Variants in CAPN12 observed in about 807,000 individuals in gnomAD.
The protein encoded by CAPN12 is calpain 12.
CAPN12 carries 107 observed loss-of-function variants against 95.0 expected under a neutral mutation model. That is an observed-to-expected ratio of 1.13 (90% confidence interval 0.96 to 1.32). CAPN12 has a LOEUF of 1.32. CAPN12 is among the 40% of genes most tolerant of loss of function. The probability of loss-of-function intolerance (pLI) is 0.00; values close to 1 mark genes in which losing one functional copy is unlikely to be tolerated. For synonymous variants in CAPN12, 505 were observed against 415.5 expected (o/e 1.22, Z -2.62); for missense variants, 1,136 against 997.8 (o/e 1.14, Z -1.87).
intron 11 of CAPN12, 63 bp downstream of exon 11, chr19:38,736,489 T>G (rs1599909210): frequency 7.5e-7 from 1 of 1,341,400 alleles, no homozygotes; most frequent in Non-Finnish European, 9.7e-7. Flanking sequence ...CCAGGGCAGG[T>G]TGACCAAGCC....
Position 38,743,185 on chromosome 19 carries a change from A to G in CAPN12, c.238-83T>C, listed in dbSNP as rs944467906. The G allele has an allele frequency of 1.2e-5, 18 of 1,528,612 alleles. No individual in the cohort carries two copies. The African/African-American group carries it at 2.5e-4, about 21-fold the overall frequency. 94.7% of individuals were successfully genotyped at this position (1,528,612 alleles called of 1,614,324 possible). A position where few individuals can be genotyped will look rare whatever the true frequency, so the allele number is the denominator to read the frequency against. ...CAGAGGAGTGAGGGCCTCCAAGCCC[A>G]TGAAAGGCCTGGAAGCCTGTGGGCA... On this transcript the variant is annotated intron_variant, in intron 1 of 20. Transcript: ENST00000328867.
At chr19:38,731,815 C>G (rs1002302451) in intron 18 of CAPN12, among the ~76,000 whole-genome samples, 2 of 152,248 alleles carry the variant, frequency 1.3e-5, no homozygotes, top group African/African-American at 4.8e-5. Context: ...ATCTTCACCC[C>G]CATTCTGTGT....
chr19:38,733,637 T>G, intron 18 of CAPN12, 66 bp downstream of exon 18: 1 of 1,419,282 alleles, frequency 7.0e-7, no homozygotes, highest in South Asian at 1.2e-5. Context: ...GCAGGGGGAC[T>G]TGGAGACAAT....
rs757810087 is a variant in CAPN12, at chr19:38,743,971, C to T, written c.195G>A (p.Pro65=). The stretch of plus-strand genomic sequence containing the variant: ...TCACGCCTTTGGCCTTCTCCGAGTC[C>T]GGCCCCAGCTGGTCATAGCCAAGGG... ...PDALGYDQLG[P]DSEKAKGVKW... The change falls in exon 1 of 21, where the codon CCG becomes CCA. Residue 65 remains proline (P), a synonymous_variant. Coordinates refer to ENST00000328867, the MANE Select transcript of CAPN12 (RefSeq NM_144691.4). 26 of 1,614,232 alleles carry T rather than the reference C, an allele frequency of 1.6e-5. No individual in the cohort carries two copies. Among genetic ancestry groups the T allele is most frequent in the Admixed American group, 5.0e-5 (3 of 60,020 alleles).
At chr19:38,741,985 A>C (rs1970574105) in intron 3 of CAPN12, 75 bp from the exon 4 acceptor site, 2 of 1,562,898 alleles carry the variant, frequency 1.3e-6, no homozygotes, top group African/African-American at 2.7e-5. Context: ...CTGCTGTGCC[A>C]GTCCCAGAGT....
At position 38,730,565 on chromosome 19, in the gene CAPN12, TGTCTGTCCTCCACCTTCTA is replaced by T. The variant is rs1568759739; in HGVS notation, c.*268_*286del. On this transcript the variant is annotated 3_prime_UTR_variant, in exon 21 of 21. Transcript: ENST00000328867. ...GCATCATCTTTTTTTATTTCTCCTG[TGTCTGTCCTCCACCTTCTA>T]GGAGAGCCAGGGCAGAGCTAGCACT... 14 of 522,242 alleles carry T rather than the reference TGTCTGTCCTCCACCTTCTA, an allele frequency of 2.7e-5. No homozygotes were observed. Among genetic ancestry groups the T allele is most frequent in the Non-Finnish European group, 2.7e-5 (8 of 292,262 alleles). 32.4% of individuals were successfully genotyped at this position (522,242 alleles called of 1,614,324 possible).
At chr19:38,735,459 C>G (rs1287109890) in intron 13 of CAPN12, 30 bp from the exon 14 acceptor site, 9 of 1,610,676 alleles carry the variant, frequency 5.6e-6, no homozygotes, top group South Asian at 1.1e-5. Flanking sequence ...TAGCGCTGGC[C>G]AAGATCCCCG....
At chr19:38,738,189 C>T (rs1970329958) in intron 8 of CAPN12, 84 bp downstream of exon 8, 3 of 1,395,080 alleles carry the variant, frequency 2.2e-6, no homozygotes, top group African/African-American at 2.9e-5. Flanking sequence ...CTATTAGGAC[C>T]CATCCTTCAA....
chr19:38,734,126 C>A lies in CAPN12; in HGVS notation c.1878+16G>T. ...GTTTCTCTCTTTCTGGGAAGAGGCC[C>A]AGTCTCCCACCTCACCTGCCACTCC... On this transcript the variant is annotated intron_variant, in intron 17 of 20. Transcript: ENST00000328867. 1 of 1,611,984 alleles carries A rather than the reference C, an allele frequency of 6.2e-7. No homozygotes were observed. Among genetic ancestry groups the A allele is most frequent in the African/African-American group, 1.3e-5 (1 of 74,992 alleles).
At chr19:38,736,907 G>GCCCTACTAGCC (rs1258941069) in intron 10 of CAPN12, 1 of 239,430 alleles carries the variant, frequency 4.2e-6, no homozygotes, top group Admixed American at 9.4e-5. Context: ...TGGCCCCCCA[G>GCCCTACTAGCC]CCCTACTAGC....
In CAPN12 at chr19:38,744,181, A is replaced by G; in HGVS notation, c.-16T>C. 1 of 1,611,660 alleles carries G rather than the reference A, an allele frequency of 6.2e-7. No individual in the cohort carries two copies. The highest frequency in any genetic ancestry group is 8.5e-7 in the Non-Finnish European group (1 of 1,178,562). On this transcript the variant is annotated 5_prime_UTR_variant, in exon 1 of 21. Coordinates refer to ENST00000328867, the MANE Select transcript of CAPN12 (RefSeq NM_144691.4). Reference sequence around the variant, plus strand: ...TGGATGCCATCTGGACACTGGCCTCACAAGCCGGCACCAGGCCCTTTAACC... The same window carrying G: ...TGGATGCCATCTGGACACTGGCCTCGCAAGCCGGCACCAGGCCCTTTAACC...
Position 38,731,206 on chromosome 19 carries a change from G to A in CAPN12, c.1975C>T (p.Gln659Ter), listed in dbSNP as rs763350796. 1 of 1,612,698 alleles carries A rather than the reference G, an allele frequency of 6.2e-7. No homozygotes were observed. The highest frequency in any genetic ancestry group is 1.1e-5 in the South Asian group (1 of 91,064). ...CGGCTGGTGAGGGTCTGGGTCAGCT[G>A]GTTGTTCAGGTGGAAGCCTAGGGGG... ...LNAAGFHLNN[Q>*]LTQTLTSRYR... is the part of the protein sequence containing the mutation. The change falls in exon 19 of 21, where the codon CAG (glutamine) becomes TAG (stop). Residue 659 changes from glutamine to a stop codon, truncating the protein, a stop_gained. Coordinates refer to ENST00000328867, the MANE Select transcript of CAPN12 (RefSeq NM_144691.4). LOFTEE classifies it high-confidence loss of function.
intron 14 of CAPN12, 157 bp from the exon 15 acceptor site, chr19:38,735,027 G>C (rs554821048): frequency 2.9e-6 from 2 of 684,724 alleles, no homozygotes; most frequent in Non-Finnish European, 4.9e-6. Flanking sequence ...GGGCTGTGAC[G>C]GGGGAAGCAC....
chr19:38,731,038 G>A lies in CAPN12; in HGVS notation c.2075-15C>T, dbSNP rs1186386846. ...GCTGCAGTGGCCTGTGCAGAGAGGG[G>A]CAGGGTGAGTGCCCACCAGTCCCCG... On this transcript the variant is annotated splice_polypyrimidine_tract_variant and intron_variant, in intron 19 of 20. Coordinates refer to ENST00000328867, the MANE Select transcript of CAPN12 (RefSeq NM_144691.4). The A allele has an allele frequency of 1.3e-6, 2 of 1,556,486 alleles. No individual in the cohort carries two copies. Among genetic ancestry groups the A allele is most frequent in the African/African-American group, 1.4e-5 (1 of 73,356 alleles).
At chr19:38,734,953 G>T (rs935475722) in intron 14 of CAPN12, 83 bp from the exon 15 acceptor site, 115 of 1,333,024 alleles carry the variant, frequency 8.6e-5, no homozygotes, top group Non-Finnish European at 1.1e-4. Context: ...CACGGCAGGG[G>T]CTGACAGAGC....
At position 38,739,966 on chromosome 19, in the gene CAPN12, G is replaced by C; in HGVS notation, c.729+85C>G. ...AAGCCAGTAACGGAAGCAGAGAACA[G>C]AGGAAGCACTCCGCCCACCCCACCA... On this transcript the variant is annotated intron_variant, in intron 5 of 20. Transcript: ENST00000328867. 3.7e-6 allele frequency: 5 copies of C among 1,357,876 alleles called. No individual in the cohort carries two copies. The South Asian group carries it at 6.4e-5, about 17-fold the overall frequency. The allele number at this position is 1,357,876 out of a possible 1,614,324, so 84.1% of individuals were successfully genotyped here. A position where few individuals can be genotyped will look rare whatever the true frequency, so the allele number is the denominator to read the frequency against.
At chr19:38,736,035 G>GGCAGGTCA in intron 12 of CAPN12, 75 bp downstream of exon 12, 4 of 919,666 alleles carry the variant, frequency 4.3e-6, no homozygotes, top group Admixed American at 4.7e-5. Context: ...GGGGTCTCGG[G>GGCAGGTCA]GGTCTCGGGG....
chr19:38,730,444 TTTATTCTGATTGA>T lies in CAPN12; in HGVS notation c.*395_*407del, dbSNP rs1460348532. ...GCTCCCCCTACCTTTTTTTTTTGAGTTTATTCTGATTGATTTTTTTTCTTGGTTTCTGGATAAA... is the reference window on the plus strand; with the variant it reads ...GCTCCCCCTACCTTTTTTTTTTGAGTTTTTTTTTCTTGGTTTCTGGATAAA... On this transcript the variant is annotated 3_prime_UTR_variant, in exon 21 of 21. Transcript: ENST00000328867. 5.0e-6 allele frequency: 1 copy of T among 198,048 alleles called. No homozygotes were observed. The highest frequency in any genetic ancestry group is 2.4e-5 in the African/African-American group (1 of 42,248). 12.3% of individuals were successfully genotyped at this position (198,048 alleles called of 1,614,324 possible).
rs937480275 is a variant in CAPN12 at position 38,737,496 on chromosome 19, C to A, written c.1108G>T (p.Gly370Cys). Residue 370 changes from glycine (G) to cysteine (C), a missense_variant, in exon 9 of 21, where the codon GGC (glycine) becomes TGC (cysteine). Transcript: ENST00000328867. ...TCACCAGCATTAGGCTGGCTCCCGC[C>A]GGAGTTGAAGCCACGCACCCAGCGG... ...QGRWVRGFNS[G>C]GSQPNAETFW... 3 of 1,612,612 alleles carry A rather than the reference C, an allele frequency of 1.9e-6. No homozygotes were observed. Among genetic ancestry groups the A allele is most frequent in the Non-Finnish European group, 2.5e-6 (3 of 1,179,928 alleles).
Sources: allele counts gnomAD v4.1 joint callset (sites outside exome capture counted in the v4.1 genomes callset), GRCh38; gene constraint gnomAD v4.1.1; transcripts MANE v1.5; gene names NCBI Gene and HGNC (gene_info 2026-07-23, HGNC 2026-07-21).